The following ZC3H18 variants were observed in gnomAD, a reference collection of about 807,000 sequenced individuals.
The protein encoded by ZC3H18 is zinc finger CCCH domain-containing protein 18.
Under a neutral mutation model 106.1 loss-of-function variants are expected in ZC3H18, and 8 were observed. That is an observed-to-expected ratio of 0.08 (90% confidence interval 0.04 to 0.14). The LOEUF (loss-of-function observed/expected upper bound fraction) is 0.14. ZC3H18 is among the 10% of genes least tolerant of loss of function. The probability of loss-of-function intolerance (pLI) is 1.00; values close to 1 mark genes in which losing one functional copy is unlikely to be tolerated. For synonymous variants in ZC3H18, 635 were observed against 522.1 expected (o/e 1.22, Z -2.95); for missense variants, 1,318 against 1,278.4 (o/e 1.03, Z -0.47).
chr16:88,604,801 G>T (rs758649174), intron 6 of ZC3H18, among the ~76,000 whole-genome samples: 2 of 152,212 alleles, frequency 1.3e-5, no homozygotes, highest in Admixed American at 6.5e-5. Context: ...CCTCTAGTGC[G>T]CACAGGACGT....
At chr16:88,570,826 C>T (rs1914351805) in intron 1 of ZC3H18, among the ~76,000 whole-genome samples, 2 of 152,186 alleles carry the variant, frequency 1.3e-5, no homozygotes, top group Admixed American at 6.5e-5. Context: ...GCGCTGCCTC[C>T]GCGCCCCGCG....
rs1395207100 is a variant in ZC3H18 at position 88,627,728 on chromosome 16, G to A, written c.2215G>A (p.Val739Met). 3 of 1,613,258 alleles carry A rather than the reference G, an allele frequency of 1.9e-6. No individual in the cohort carries two copies. Among genetic ancestry groups the A allele is most frequent in the African/African-American group, 1.3e-5 (1 of 74,916 alleles). The stretch of plus-strand genomic sequence containing the variant: ...CATGTACGCAGACCTGGCTAGCCCC[G>A]TGTCCTCAGCCAGCTCTCGGTCCCC... ...EDMYADLASP[V>M]SSASSRSPAP... is the part of the protein sequence containing the mutation. Residue 739 changes from valine to methionine, a missense_variant, in exon 14 of 18, where the codon GTG (valine) becomes ATG (methionine). Physicochemically the swap from Val to Met is conservative, Grantham distance 21. Transcript: ENST00000301011. The surrounding 1 kb of genome is among the most constrained non-coding windows in gnomAD (Gnocchi z 4.5).
chr16:88,630,557 A>AAGCCCCTGC lies in ZC3H18; in HGVS notation c.2646_2654dup (p.Ala884_Ala886dup), dbSNP rs1906599346. On this transcript the variant is annotated inframe_insertion, in exon 17 of 18. Coordinates refer to ENST00000301011, the MANE Select transcript of ZC3H18 (RefSeq NM_144604.4). ...GAGCGGCAGAGAGGCCAGAACTCCA[A>AAGCCCCTGC]AGCCCCTGCAGCCCCGGCTGACAGG... 7 of 1,610,176 alleles carry AAGCCCCTGC rather than the reference A, an allele frequency of 4.3e-6. No homozygotes were observed. The highest frequency in any genetic ancestry group is 8.5e-7 in the Non-Finnish European group (1 of 1,179,248).
At chr16:88,579,400 C>T (rs1914969759) in intron 2 of ZC3H18, among the ~76,000 whole-genome samples, 2 of 152,108 alleles carry the variant, frequency 1.3e-5, no homozygotes, top group South Asian at 2.1e-4. Flanking sequence ...AGGGCTCTGG[C>T]GTGCTCTAGT....
intron 2 of ZC3H18, among the ~76,000 whole-genome samples, chr16:88,583,696 C>T (rs1915270689): frequency 6.6e-6 from 1 of 152,176 alleles, no homozygotes; most frequent in African/African-American, 2.4e-5. Flanking sequence ...AGCGTGGAGA[C>T]CCGGCTTCAG....
intron 6 of ZC3H18, 148 bp downstream of exon 6, chr16:88,600,096 A>G (rs1387933549): frequency 1.9e-6 from 2 of 1,055,122 alleles, no homozygotes; most frequent in Admixed American, 2.7e-5. Context: ...GAGAGCATTC[A>G]GGCACGGTTC....
At chr16:88,628,359 TC>T (rs1344817444) in intron 15 of ZC3H18, among the ~76,000 whole-genome samples, 1 of 152,114 alleles carries the variant, frequency 6.6e-6, no homozygotes, top group Non-Finnish European at 1.5e-5. Flanking sequence ...GGCGTTCTCT[TC>T]GTGCCTGTGG....
rs1567602502 is a variant in ZC3H18 at position 88,630,756 on chromosome 16, A to AAC, written c.2663+175_2663+176insAC. ...ACAGCGAATTGCAGCCCCACCCCCC[A>AAC]CCCCCCCCCACACACACACACACGC... On this transcript the variant is annotated intron_variant, in intron 17 of 17. Coordinates refer to ENST00000301011, the MANE Select transcript of ZC3H18 (RefSeq NM_144604.4). Among the ~76,000 whole-genome samples, 54 of 50,196 alleles carry AAC rather than the reference A, an allele frequency of 1.1e-3. 5 individuals carry two copies. Among genetic ancestry groups the AAC allele is most frequent in the African/African-American group, 3.6e-3 (54 of 15,142 alleles). 32.9% of individuals were successfully genotyped at this position (50,196 alleles called of 152,430 possible). A position where few individuals can be genotyped will look rare whatever the true frequency, so the allele number is the denominator to read the frequency against.
intron 12 of ZC3H18, among the ~76,000 whole-genome samples, 179 bp from the exon 13 acceptor site, chr16:88,625,023 A>G (rs919589229): frequency 6.6e-6 from 1 of 152,056 alleles, no homozygotes; most frequent in African/African-American, 2.4e-5. Flanking sequence ...CCCCCGAGAG[A>G]CTGTACTTTT....
intron 1 of ZC3H18, among the ~76,000 whole-genome samples, chr16:88,575,558 C>G (rs1914695793): frequency 6.6e-6 from 1 of 152,092 alleles, no homozygotes; most frequent in Admixed American, 6.5e-5. Context: ...CGTTCTACAC[C>G]TTCCTACCCG....
At chr16:88,585,187 A>T (rs1915364565) in intron 2 of ZC3H18, among the ~76,000 whole-genome samples, 1 of 152,208 alleles carries the variant, frequency 6.6e-6, no homozygotes, top group Admixed American at 6.5e-5. Context: ...TTAAAAAGTG[A>T]TTCTGCTGGA....
chr16:88,574,185 T>G lies in ZC3H18; in HGVS notation c.-14-2925T>G, dbSNP rs571058541. 1.7e-4 allele frequency among the ~76,000 whole-genome samples: 26 copies of G among 151,904 alleles called. 2 individuals carry two copies. The highest frequency in any genetic ancestry group is 3.9e-4 in the Admixed American group (6 of 15,272). ...CCACCACCCTTGGCCCATTTAGTTT[T>G]TATAAAGTGATGAATTTTAAATGAT... On this transcript the variant is annotated intron_variant, in intron 1 of 17. Coordinates refer to ENST00000301011, the MANE Select transcript of ZC3H18 (RefSeq NM_144604.4).
chr16:88,602,237 G>T (rs1904786580), intron 6 of ZC3H18, among the ~76,000 whole-genome samples: 1 of 152,252 alleles, frequency 6.6e-6, no homozygotes, highest in Non-Finnish European at 1.5e-5. Context: ...TGGCAGCCCA[G>T]TTGGCGGTCA....
intron 10 of ZC3H18, 49 bp downstream of exon 10, chr16:88,623,393 G>C: frequency 1.3e-6 from 2 of 1,597,558 alleles, no homozygotes; most frequent in South Asian, 2.2e-5. Flanking sequence ...CAGTGAGCAA[G>C]GGCACCTGCG....
chr16:88,585,998 G>A (rs888721732), intron 2 of ZC3H18, among the ~76,000 whole-genome samples: 7 of 152,100 alleles, frequency 4.6e-5, no homozygotes, highest in African/African-American at 1.7e-4. Flanking sequence ...TGGGACAGTG[G>A]GTGGCTTGGG....
intron 3 of ZC3H18, among the ~76,000 whole-genome samples, chr16:88,588,353 C>T (rs989664205): frequency 2.6e-5 from 4 of 152,216 alleles, no homozygotes; most frequent in African/African-American, 9.6e-5. Context: ...GGCCAGTCGG[C>T]GTTGGCCTGA....
chr16:88,604,006 C>T (rs1567588932), intron 6 of ZC3H18, among the ~76,000 whole-genome samples: 1 of 151,982 alleles, frequency 6.6e-6, no homozygotes, highest in African/African-American at 2.4e-5. Context: ...TTAAATATTC[C>T]GTTTCTACCA....
chr16:88,591,478 A>C (rs1455918051), intron 3 of ZC3H18, among the ~76,000 whole-genome samples: 5 of 152,118 alleles, frequency 3.3e-5, no homozygotes, highest in Non-Finnish European at 7.4e-5. Context: ...AGGCCAAAGC[A>C]GGAGAATCGC....
chr16:88,616,543 G>A (rs2142772943), intron 8 of ZC3H18, among the ~76,000 whole-genome samples: 1 of 152,330 alleles, frequency 6.6e-6, no homozygotes, highest in African/African-American at 2.4e-5. Flanking sequence ...CTGCCTGGAG[G>A]ACAAGGGTTT....
Sources: gnomAD v4.1 joint callset for allele counts (sites outside exome capture counted in the v4.1 genomes callset) on GRCh38, gnomAD v4.1.1 for gene constraint, Gnocchi (gnomAD v3.1) non-coding constraint, MANE v1.5 for transcripts, NCBI Gene and HGNC (gene_info 2026-07-23, HGNC 2026-07-21) for gene names.